Variants in ALK observed in about 807,000 individuals in gnomAD.
ALK encodes ALK receptor tyrosine kinase.
ALK carries 74 observed loss-of-function variants against 163.1 expected under a neutral mutation model. The ratio of observed to expected loss-of-function variants is 0.45; its 90% CI spans 0.38 to 0.55. ALK has a LOEUF of 0.55. Ranked by LOEUF, ALK falls within the 20% of genes least tolerant of loss-of-function variation. The probability of loss-of-function intolerance (pLI) is 0.00; values close to 1 mark genes in which losing one functional copy is unlikely to be tolerated. For synonymous variants in ALK, 960 were observed against 843.2 expected (o/e 1.14, Z -2.40); for missense variants, 2,063 against 2,105.3 (o/e 0.98, Z 0.39).
intron 4 of ALK, among the ~76,000 whole-genome samples, chr2:29,526,613 AATC>A (rs1298227356): frequency 6.6e-6 from 1 of 152,228 alleles, no homozygotes; most frequent in Admixed American, 6.5e-5. Context: ...CTGGGCCTGA[AATC>A]ATTGTGACAC....
At chr2:29,466,715 T>C (rs1259802728) in intron 4 of ALK, among the ~76,000 whole-genome samples, 1 of 152,188 alleles carries the variant, frequency 6.6e-6, no homozygotes, top group African/African-American at 2.4e-5. Context: ...CTCTCACAAG[T>C]TTTACATTTG....
At chr2:29,221,772 G>A (rs567765279) in intron 22 of ALK, among the ~76,000 whole-genome samples, 1 of 152,270 alleles carries the variant, frequency 6.6e-6, no homozygotes, top group East Asian at 1.9e-4. Context: ...GGGGCCATGA[G>A]CCCCCACCTG....
chr2:29,753,283 A>G (rs1447301057), intron 1 of ALK, among the ~76,000 whole-genome samples: 1 of 152,220 alleles, frequency 6.6e-6, no homozygotes, highest in Non-Finnish European at 1.5e-5. Flanking sequence ...GTGCGATTTG[A>G]TCTGTGCAAG....
At chr2:29,651,122 A>C in intron 3 of ALK, among the ~76,000 whole-genome samples, 1 of 152,058 alleles carries the variant, frequency 6.6e-6, no homozygotes, top group Non-Finnish European at 1.5e-5. Context: ...GGAATTACCC[A>C]ACCCTGTTCT....
In ALK at chr2:29,433,135, T is replaced by C. The variant is rs549348781; in HGVS notation, c.1155-49276A>G. Among the ~76,000 whole-genome samples the C allele has an allele frequency of 1.3e-3, 198 of 152,310 alleles. 1 individual carries two copies. The highest frequency in any genetic ancestry group is 4.3e-3 in the African/African-American group (177 of 41,552). ...ATAACTAGGGGCTGTTATGACACTATTGAACCCATAGTAGGGACTTCAGGA... is the reference window on the plus strand; with the variant it reads ...ATAACTAGGGGCTGTTATGACACTACTGAACCCATAGTAGGGACTTCAGGA... On this transcript the variant is annotated intron_variant, in intron 4 of 28. Transcript: ENST00000389048.
intron 4 of ALK, among the ~76,000 whole-genome samples, chr2:29,414,106 T>C (rs1475998933): frequency 6.6e-6 from 1 of 152,250 alleles, no homozygotes; most frequent in Non-Finnish European, 1.5e-5. Flanking sequence ...GAGGTTAGGA[T>C]GGCTACAACG....
At chr2:29,267,892 A>G (rs1390006007) in intron 11 of ALK, among the ~76,000 whole-genome samples, 1 of 152,226 alleles carries the variant, frequency 6.6e-6, no homozygotes, top group Non-Finnish European at 1.5e-5. Flanking sequence ...TACTTAATGC[A>G]CTTGCCCTGA....
intron 1 of ALK, among the ~76,000 whole-genome samples, chr2:29,747,244 AC>A (rs1431388007): frequency 6.6e-6 from 1 of 152,246 alleles, no homozygotes; most frequent in Non-Finnish European, 1.5e-5. Flanking sequence ...GGCTTTATTC[AC>A]AACAATATGT....
At chr2:29,423,011 A>G (rs535730360) in intron 4 of ALK, among the ~76,000 whole-genome samples, 1 of 152,088 alleles carries the variant, frequency 6.6e-6, no homozygotes, top group East Asian at 1.9e-4. Context: ...AGCGTGGGTA[A>G]GGACTGCTCT....
At chr2:29,834,517 G>C (rs1287097268) in intron 1 of ALK, among the ~76,000 whole-genome samples, 1 of 152,160 alleles carries the variant, frequency 6.6e-6, no homozygotes, top group East Asian at 1.9e-4. Flanking sequence ...GAACAGTAAA[G>C]ATTTTTCAAA....
rs1333013513 is a variant in ALK at position 29,694,819 on chromosome 2, C to T, written c.952+31G>A. The T allele has an allele frequency of 3.7e-6, 6 of 1,612,702 alleles. No homozygotes were observed. In the South Asian group the frequency reaches 4.4e-5, roughly 12 times the overall value. On this transcript the variant is annotated intron_variant, in intron 3 of 28. Coordinates refer to ENST00000389048, the MANE Select transcript of ALK (RefSeq NM_004304.5). The stretch of plus-strand genomic sequence containing the variant: ...GGTATTCCAGCCTGGCCCTGACCCA[C>T]CCAGGACATCACCAGCAGCCTCTCC...
At chr2:29,461,046 G>C (rs1464912428) in intron 4 of ALK, among the ~76,000 whole-genome samples, 1 of 152,204 alleles carries the variant, frequency 6.6e-6, no homozygotes, top group African/African-American at 2.4e-5. Context: ...AAAAGTTTCG[G>C]TGTTCTGAAT....
chr2:29,813,469 T>C (rs1200746770), intron 1 of ALK, among the ~76,000 whole-genome samples: 1 of 152,070 alleles, frequency 6.6e-6, no homozygotes, highest in Non-Finnish European at 1.5e-5. Context: ...GAAATAACTG[T>C]GTTGAGGGCT....
chr2:29,453,643 T>C (rs1670878888), intron 4 of ALK, among the ~76,000 whole-genome samples: 1 of 152,140 alleles, frequency 6.6e-6, no homozygotes, highest in Admixed American at 6.6e-5. Context: ...TATTAAATAT[T>C]TATTTGTGAA....
chr2:29,645,438 AC>A (rs1386646209), intron 3 of ALK, among the ~76,000 whole-genome samples: 1 of 152,116 alleles, frequency 6.6e-6, no homozygotes, highest in African/African-American at 2.4e-5. Flanking sequence ...ATTTTCACCC[AC>A]ATTTTTCTCA....
intron 4 of ALK, among the ~76,000 whole-genome samples, chr2:29,523,862 T>C (rs1156612698): frequency 0.016 from 125 of 7,722 alleles, 6 homozygotes; most frequent in African/African-American, 0.037. Context: ...CTGAAGGTTT[T>C]TTTTTTTTTT....
intron 3 of ALK, among the ~76,000 whole-genome samples, chr2:29,546,706 CTA>C (rs1159242552): frequency 2.6e-5 from 4 of 152,194 alleles, no homozygotes; most frequent in African/African-American, 9.7e-5. Context: ...TAAACATCTT[CTA>C]TGTTACTTTT....
chr2:29,334,307 GTGTC>G (rs1667544049), intron 5 of ALK, among the ~76,000 whole-genome samples: 1 of 152,214 alleles, frequency 6.6e-6, no homozygotes, highest in African/African-American at 2.4e-5. Context: ...GCCTCAGACA[GTGTC>G]TGGTATAAAG....
intron 4 of ALK, among the ~76,000 whole-genome samples, chr2:29,490,137 C>T (rs1671867335): frequency 6.6e-6 from 1 of 152,220 alleles, no homozygotes; most frequent in Non-Finnish European, 1.5e-5. Context: ...TGCCTTGATG[C>T]TAAATCCCAG....
Sources: gnomAD v4.1 joint callset for allele counts (sites outside exome capture counted in the v4.1 genomes callset) on GRCh38, gnomAD v4.1.1 for gene constraint, MANE v1.5 for transcripts, NCBI Gene and HGNC (gene_info 2026-07-23, HGNC 2026-07-21) for gene names.